ZNF607: variants seen among roughly 807,000 people sequenced by gnomAD.
ZNF607 encodes zinc finger protein 607.
ZNF607 carries 5 observed loss-of-function variants against 12.8 expected under a neutral mutation model. That is an observed-to-expected ratio of 0.39 (90% CI 0.20 to 0.82). The LOEUF is 0.82. Among genes scored for constraint, ZNF607 ranks in the 40% least tolerant of loss-of-function variants. The probability of loss-of-function intolerance (pLI) is 0.39; values close to 1 mark genes in which losing one functional copy is unlikely to be tolerated. For synonymous variants in ZNF607, 287 were observed against 276.2 expected, an observed-to-expected ratio of 1.04 and a Z score of -0.39; for missense variants, 851 against 859.2, an observed-to-expected ratio of 0.99 and a Z score of 0.12.
intron 4 of ZNF607, among the ~76,000 whole-genome samples, chr19:37,704,952 A>AAAAC (rs547129307): frequency 4.3e-4 from 65 of 152,212 alleles, no homozygotes; most frequent in African/African-American, 7.2e-4. Flanking sequence ...CTCTGTCTAA[A>AAAAC]AAACAAACAA....
chr19:37,719,628 A>G lies in ZNF607; in HGVS notation c.-434T>C, dbSNP rs1216071852. Reference sequence around the variant, plus strand: ...GCCTTTGTAATATGTAGTCCAAGCCAGAACAGTCAGGACCGCAGGTACCGG... The same window carrying G: ...GCCTTTGTAATATGTAGTCCAAGCCGGAACAGTCAGGACCGCAGGTACCGG... On this transcript the variant is annotated 5_prime_UTR_variant, in exon 1 of 5. Transcript: ENST00000355202. 6.6e-6 allele frequency: 1 copy of G among 152,332 alleles called. No homozygotes were observed. Among genetic ancestry groups the G allele is most frequent in the Non-Finnish European group, 1.5e-5 (1 of 68,102 alleles). The allele number at this position is 152,332 out of a possible 1,614,324, so 9.4% of individuals were successfully genotyped here.
chr19:37,698,325 T>C lies in ZNF607; in HGVS notation c.1806A>G (p.Ser602=), dbSNP rs2044997111. ...GAATTCTCTCATGAATAATAAGATGTGAAGCATGACTAAAAGTTTCCCCAC... is the reference window on the plus strand; with the variant it reads ...GAATTCTCTCATGAATAATAAGATGCGAAGCATGACTAAAAGTTTCCCCAC... ...KECGETFSHA[S]HLIIHERIHT... Residue 602 remains serine (S), a synonymous_variant, in exon 5 of 5, where the codon TCA becomes TCG. Transcript: ENST00000355202. 6.2e-7 allele frequency: 1 copy of C among 1,613,980 alleles called. No homozygotes were observed. Among genetic ancestry groups the C allele is most frequent in the African/African-American group, 1.3e-5 (1 of 74,880 alleles).
rs369209372 is a variant in ZNF607, at chr19:37,698,150, T to C, written c.1981A>G (p.Ser661Gly). The change falls in exon 5 of 5, where the codon AGT becomes GGT. Residue 661 changes from serine (S) to glycine (G), a missense_variant. Physicochemically the swap from Ser to Gly is moderately conservative, Grantham distance 56 (BLOSUM62 0). Transcript: ENST00000355202. Reference protein sequence around the residue: ...GKAFNSSHELSIHHRVHTGEK... With the variant: ...GKAFNSSHELGIHHRVHTGEK... ...CCAGTATGAACTCTATGATGTATACTAAGTTCATGGCTACTATTAAAAGCT... is the reference window on the plus strand; with the variant it reads ...CCAGTATGAACTCTATGATGTATACCAAGTTCATGGCTACTATTAAAAGCT... 1.9e-6 allele frequency: 3 copies of C among 1,614,052 alleles called. No homozygotes were observed. The highest frequency in any genetic ancestry group is 1.3e-5 in the African/African-American group (1 of 74,940).
Position 37,698,138 on chromosome 19 carries a change from TATG to T in ZNF607, c.1990_1992del (p.His664del). ...AAGGGTTTCTCACCAGTATGAACTC[TATG>T]ATGTATACTAAGTTCATGGCTACTA... On this transcript the variant is annotated inframe_deletion, in exon 5 of 5. Transcript: ENST00000355202. 6.2e-7 allele frequency: 1 copy of T among 1,614,096 alleles called. No homozygotes were observed. The highest frequency in any genetic ancestry group is 2.2e-5 in the East Asian group (1 of 44,868).
At chr19:37,714,404 T>G (rs1377988151) in intron 1 of ZNF607, among the ~76,000 whole-genome samples, 1 of 143,012 alleles carries the variant, frequency 7.0e-6, no homozygotes, top group South Asian at 2.3e-4. Context: ...GTAAAAATAA[T>G]TTTAAAAAAA....
At chr19:37,700,963 G>T (rs1271851318) in intron 4 of ZNF607, among the ~76,000 whole-genome samples, 1 of 152,118 alleles carries the variant, frequency 6.6e-6, no homozygotes, top group Non-Finnish European at 1.5e-5. Flanking sequence ...AACAGTGAAT[G>T]ATTTTGTAGG....
rs764152619 is a variant in ZNF607, at chr19:37,698,568, A to G, written c.1563T>C (p.Thr521=). 5.6e-6 allele frequency: 9 copies of G among 1,611,874 alleles called. No homozygotes were observed. Among genetic ancestry groups the G allele is most frequent in the Non-Finnish European group, 7.6e-6 (9 of 1,178,276 alleles). The change falls in exon 5 of 5, where the codon ACT becomes ACC. Residue 521 remains threonine, a synonymous_variant. Coordinates refer to ENST00000355202, the MANE Select transcript of ZNF607 (RefSeq NM_032689.5). The part of the protein sequence containing the change: ...GKAFSVSGQL[T]QHLSIHSGKK... ...TACCACTGTGAATACTCAGATGCTG[A>G]GTAAGTTGTCCAGATACACTAAAGG...
intron 1 of ZNF607, among the ~76,000 whole-genome samples, chr19:37,713,255 C>T (rs1401763472): frequency 6.6e-6 from 1 of 151,986 alleles, no homozygotes; most frequent in East Asian, 1.9e-4. Flanking sequence ...AGTAGTTCAC[C>T]TAAATCTCTC....
rs1014877526 is a variant in ZNF607, at chr19:37,697,480, A to G, written c.*560T>C. 3 of 661,834 alleles carry G rather than the reference A, an allele frequency of 4.5e-6. No individual in the cohort carries two copies. Among genetic ancestry groups the G allele is most frequent in the African/African-American group, 3.6e-5 (2 of 56,336 alleles). The allele number at this position is 661,834 out of a possible 1,614,324, so 41.0% of individuals were successfully genotyped here. A position where few individuals can be genotyped will look rare whatever the true frequency, so the allele number is the denominator to read the frequency against. ...TAACTCATGTAATTCTAACAGCACT[A>G]TACTGTAGGTACTACTATCATCATT... On this transcript the variant is annotated 3_prime_UTR_variant, in exon 5 of 5. Coordinates refer to ENST00000355202, the MANE Select transcript of ZNF607 (RefSeq NM_032689.5).
rs2145223502 is a variant in ZNF607 at position 37,699,023 on chromosome 19, A to G, written c.1108T>C (p.Cys370Arg). ...CCATGCACACTAAAGGCTTTCCCACATTCCTCACACTTATAAGGTTTCTCA... is the reference window on the plus strand; with the variant it reads ...CCATGCACACTAAAGGCTTTCCCACGTTCCTCACACTTATAAGGTTTCTCA... Reference protein sequence around the residue: ...SVEKPYKCEECGKAFSVHGRL... With the variant: ...SVEKPYKCEERGKAFSVHGRL... The change falls in exon 5 of 5, where the codon TGT becomes CGT. Residue 370 changes from cysteine to arginine, a missense_variant. Cys to Arg is a radical substitution (Grantham distance 180). Coordinates refer to ENST00000355202, the MANE Select transcript of ZNF607 (RefSeq NM_032689.5). 1 of 1,614,100 alleles carries G rather than the reference A, an allele frequency of 6.2e-7. No homozygotes were observed. The highest frequency in any genetic ancestry group is 8.5e-7 in the Non-Finnish European group (1 of 1,180,016).
chr19:37,700,384 T>C (rs1041057981), intron 4 of ZNF607, among the ~76,000 whole-genome samples: 9 of 151,872 alleles, frequency 5.9e-5, no homozygotes, highest in African/African-American at 2.2e-4. Flanking sequence ...AATGTCAGGG[T>C]AAGATAACTA....
At position 37,697,306 on chromosome 19, in the gene ZNF607, C is replaced by T. The variant is rs1315504623; in HGVS notation, c.*734G>A. ...TGGTCAAAGATGGCAGCTCTGTGCCCAGCATCCACATTACATAAGGCAGAG... is the reference window on the plus strand; with the variant it reads ...TGGTCAAAGATGGCAGCTCTGTGCCTAGCATCCACATTACATAAGGCAGAG... On this transcript the variant is annotated 3_prime_UTR_variant, in exon 5 of 5. Transcript: ENST00000355202. 3.0e-6 allele frequency: 3 copies of T among 1,015,084 alleles called. No homozygotes were observed. In the African/African-American group the frequency reaches 4.7e-5, roughly 16 times the overall value. The allele number at this position is 1,015,084 out of a possible 1,614,324, so 62.9% of individuals were successfully genotyped here. A position where few individuals can be genotyped will look rare whatever the true frequency, so the allele number is the denominator to read the frequency against.
chr19:37,717,506 T>G (rs1474038905), intron 1 of ZNF607, among the ~76,000 whole-genome samples: 2 of 150,848 alleles, frequency 1.3e-5, no homozygotes, highest in Non-Finnish European at 3.0e-5. Context: ...TTTTAAAAAA[T>G]GAGCTGCGGC....
At chr19:37,715,863 A>G (rs2045172440) in intron 1 of ZNF607, among the ~76,000 whole-genome samples, 1 of 152,196 alleles carries the variant, frequency 6.6e-6, no homozygotes. Context: ...ATATTACCAT[A>G]CTTGCAAGAC....
chr19:37,704,952 AAAACAAAC>A (rs547129307), intron 4 of ZNF607, among the ~76,000 whole-genome samples: 2 of 152,096 alleles, frequency 1.3e-5, no homozygotes, highest in African/African-American at 4.8e-5. Flanking sequence ...CTCTGTCTAA[AAAACAAAC>A]AAACAAACAA....
At chr19:37,702,958 CTTT>C (rs1047615631) in intron 4 of ZNF607, among the ~76,000 whole-genome samples, 1 of 146,344 alleles carries the variant, frequency 6.8e-6, no homozygotes. Context: ...TTTATTTTTA[CTTT>C]TTTTTTTTGA....
At chr19:37,701,860 T>C (rs992438567) in intron 4 of ZNF607, among the ~76,000 whole-genome samples, 3 of 152,016 alleles carry the variant, frequency 2.0e-5, no homozygotes, top group African/African-American at 7.2e-5. Context: ...ACATAGGAGA[T>C]ATAACCATGG....
At chr19:37,716,597 T>C (rs1352935557) in intron 1 of ZNF607, among the ~76,000 whole-genome samples, 2 of 152,222 alleles carry the variant, frequency 1.3e-5, no homozygotes, top group Non-Finnish European at 2.9e-5. Flanking sequence ...AATTCTCTTC[T>C]GTAAAGACAA....
chr19:37,715,067 C>T (rs1323050451), intron 1 of ZNF607, among the ~76,000 whole-genome samples: 1 of 151,796 alleles, frequency 6.6e-6, no homozygotes, highest in Non-Finnish European at 1.5e-5. Flanking sequence ...CCACCATGCC[C>T]GGCTAATTTT....
Sources: allele counts gnomAD v4.1 joint callset (sites outside exome capture counted in the v4.1 genomes callset), GRCh38; gene constraint gnomAD v4.1.1; transcripts MANE v1.5; gene names NCBI Gene and HGNC (gene_info 2026-07-23, HGNC 2026-07-21).